RYR3: variants seen among roughly 807,000 people sequenced by gnomAD.
RYR3 encodes ryanodine receptor 3, also known as brain ryanodine receptor-calcium release channel.
Under a neutral mutation model 584.3 loss-of-function variants are expected in RYR3, and 207 were observed. That is an observed-to-expected ratio of 0.35 (90% confidence interval 0.32 to 0.40). The LOEUF is 0.40. Among genes scored for constraint, RYR3 ranks in the 10% least tolerant of loss-of-function variants. The pLI is 1.00. For synonymous variants in RYR3, 2,416 were observed against 2,248.5 expected (o/e 1.07, Z -2.11); for missense variants, 5,616 against 6,089.2 (o/e 0.92, Z 2.59).
chr15:33,860,372 A>T (rs547422002), intron 100 of RYR3, among the ~76,000 whole-genome samples: 9 of 152,348 alleles, frequency 5.9e-5, no homozygotes, highest in Non-Finnish European at 1.2e-4. Flanking sequence ...AGGGAGGAGC[A>T]AGTAGTTAAC....
chr15:33,744,759 A>G (rs903429096), intron 52 of RYR3, among the ~76,000 whole-genome samples: 4 of 152,220 alleles, frequency 2.6e-5, no homozygotes, highest in African/African-American at 9.6e-5. Context: ...ATGGTTCAGT[A>G]TAGCTAGGAC....
At chr15:33,674,913 A>G (rs1045120111) in intron 38 of RYR3, among the ~76,000 whole-genome samples, 2 of 41,500 alleles carry the variant, frequency 4.8e-5, no homozygotes, top group Non-Finnish European at 7.2e-5. Context: ...GTCAGAATGG[A>G]AAAAAAAAAA....
chr15:33,450,712 A>G (rs990577941), intron 1 of RYR3, among the ~76,000 whole-genome samples: 4 of 151,814 alleles, frequency 2.6e-5, no homozygotes, highest in African/African-American at 9.7e-5. Context: ...TCCTGGCTTC[A>G]TGAATTTCAT....
intron 86 of RYR3, 45 bp downstream of exon 86, chr15:33,831,136 T>A (rs369115528): frequency 6.4e-7 from 1 of 1,570,800 alleles, no homozygotes; most frequent in African/African-American, 1.3e-5. Context: ...AGAACATTGT[T>A]GATATGCCTG....
chr15:33,394,340 A>G (rs1348357568), intron 1 of RYR3, among the ~76,000 whole-genome samples: 1 of 152,238 alleles, frequency 6.6e-6, no homozygotes, highest in Non-Finnish European at 1.5e-5. Flanking sequence ...TATTTTCAGT[A>G]CAGCCAAAAA....
chr15:33,576,273 G>A (rs986060156), intron 12 of RYR3, among the ~76,000 whole-genome samples: 2 of 152,176 alleles, frequency 1.3e-5, no homozygotes, highest in African/African-American at 4.8e-5. Flanking sequence ...ATTTCATGAG[G>A]CCAGAATCAT....
intron 38 of RYR3, among the ~76,000 whole-genome samples, chr15:33,694,111 C>T (rs369762508): frequency 2.0e-5 from 3 of 151,894 alleles, no homozygotes; most frequent in Non-Finnish European, 2.9e-5. Flanking sequence ...CTTTGGCCAG[C>T]GAACAAATCC....
chr15:33,345,657 C>T (rs919243210), intron 1 of RYR3, among the ~76,000 whole-genome samples: 21 of 152,106 alleles, frequency 1.4e-4, no homozygotes, highest in African/African-American at 4.6e-4. Context: ...CAGCCTGGGT[C>T]CCAGCAGAGC....
At chr15:33,583,866 A>G (rs372311410) in intron 14 of RYR3, among the ~76,000 whole-genome samples, 1 of 152,100 alleles carries the variant, frequency 6.6e-6, no homozygotes, top group Non-Finnish European at 1.5e-5. Context: ...AGCCTGGCCA[A>G]CATGGTGAAG....
At chr15:33,490,500 A>G (rs986101469) in intron 2 of RYR3, among the ~76,000 whole-genome samples, 1 of 152,174 alleles carries the variant, frequency 6.6e-6, no homozygotes, top group African/African-American at 2.4e-5. Context: ...AATAGTACTG[A>G]GGGTGGAATA....
chr15:33,827,787 G>T (rs185300663), intron 85 of RYR3, among the ~76,000 whole-genome samples: 1 of 152,258 alleles, frequency 6.6e-6, no homozygotes, highest in South Asian at 2.1e-4. Context: ...CCTCATCCTG[G>T]TTCTGCCACT....
chr15:33,418,406 G>A (rs999494206), intron 1 of RYR3, among the ~76,000 whole-genome samples: 2 of 151,482 alleles, frequency 1.3e-5, no homozygotes, highest in African/African-American at 2.4e-5. Context: ...GACTTTAAAC[G>A]AGAGTAGAAA....
chr15:33,771,888 T>C, intron 62 of RYR3, 32 bp from the exon 63 acceptor site: 1 of 1,522,786 alleles, frequency 6.6e-7, no homozygotes, highest in East Asian at 2.3e-5. Context: ...GTTCAGATTA[T>C]GCTTCTAGAT....
intron 1 of RYR3, among the ~76,000 whole-genome samples, chr15:33,388,617 T>C (rs1329538789): frequency 6.6e-6 from 1 of 152,110 alleles, no homozygotes; most frequent in Non-Finnish European, 1.5e-5. Context: ...TGCTATAAAA[T>C]AAAGGAAATA....
In RYR3 at chr15:33,405,670, G is replaced by T. The variant is rs567124515; in HGVS notation, c.52-67749G>T. 2.3e-4 allele frequency among the ~76,000 whole-genome samples: 35 copies of T among 152,304 alleles called. No homozygotes were observed. The South Asian group carries it at 7.0e-3, about 31-fold the overall frequency. ...ATAGTAATGATGTATATTAACCAAG[G>T]CTTATTCAGTTGCAAGTGTCAGAAA... On this transcript the variant is annotated intron_variant, in intron 1 of 103. Transcript: ENST00000634891.
chr15:33,542,621 C>G (rs191050034), intron 7 of RYR3, among the ~76,000 whole-genome samples: 1 of 152,256 alleles, frequency 6.6e-6, no homozygotes, highest in Admixed American at 6.5e-5. Flanking sequence ...ACAAAATTCA[C>G]TAATAATACC....
At position 33,689,594 on chromosome 15, in the gene RYR3, A is replaced by G. The variant is rs192878257; in HGVS notation, c.5861-6624A>G. Among the ~76,000 whole-genome samples the G allele has an allele frequency of 4.6e-5, 7 of 152,292 alleles. No individual in the cohort carries two copies. The East Asian group carries it at 1.4e-3, about 29-fold the overall frequency. Reference sequence around the variant, plus strand: ...GGAAGGCCCCTCTTTTAACTTCCTGATAGAGCTTTTTCTTCCCTGCTTCTT... The same window carrying G: ...GGAAGGCCCCTCTTTTAACTTCCTGGTAGAGCTTTTTCTTCCCTGCTTCTT... On this transcript the variant is annotated intron_variant, in intron 38 of 103. Coordinates refer to ENST00000634891, the MANE Select transcript of RYR3 (RefSeq NM_001036.6).
intron 38 of RYR3, among the ~76,000 whole-genome samples, chr15:33,683,063 T>C (rs1407852950): frequency 6.6e-6 from 1 of 151,998 alleles, no homozygotes; most frequent in African/African-American, 2.4e-5. Context: ...GGCGCGATCT[T>C]GGCTCACTGC....
intron 54 of RYR3, 83 bp from the exon 55 acceptor site, chr15:33,748,385 A>G: frequency 6.5e-7 from 1 of 1,542,944 alleles, no homozygotes; most frequent in Non-Finnish European, 8.9e-7. Context: ...TTCAGGACAC[A>G]TTTTTGACAG....
Sources: gnomAD v4.1 joint callset for allele counts (sites outside exome capture counted in the v4.1 genomes callset) on GRCh38, gnomAD v4.1.1 for gene constraint, MANE v1.5 for transcripts, NCBI Gene and HGNC (gene_info 2026-07-23, HGNC 2026-07-21) for gene names.